The following LGALS14 variants were observed in gnomAD, a reference collection of about 807,000 sequenced individuals.
The protein encoded by LGALS14 is galectin 14.
In LGALS14, 14 loss-of-function variants were observed where a neutral mutation model predicts 14.6. That is an observed-to-expected ratio of 0.96 (90% CI 0.64 to 1.50). LGALS14 has a LOEUF of 1.50. Ranked by LOEUF, LGALS14 falls within the 40% of genes most tolerant of loss-of-function variation. The pLI is 0.00. For synonymous variants in LGALS14, 57 were observed against 63.9 expected (o/e 0.89, Z 0.51); for missense variants, 180 against 172.0 (o/e 1.05, Z -0.26).
intron 1 of LGALS14, chr19:39,705,837 C>G: frequency 1.3e-6 from 2 of 1,592,322 alleles, no homozygotes; most frequent in Non-Finnish European, 1.7e-6. Context: ...AGAGCAAGAC[C>G]CTATCTCAAA....
At chr19:39,706,063 CT>C in intron 1 of LGALS14, 1 of 1,605,452 alleles carries the variant, frequency 6.2e-7, no homozygotes, top group Non-Finnish European at 8.5e-7. Context: ...ATTTCCCTTT[CT>C]CTTTCAACAA....
intron 3 of LGALS14, among the ~76,000 whole-genome samples, chr19:39,708,798 G>A (rs1180574515): frequency 6.6e-6 from 1 of 152,192 alleles, no homozygotes. Context: ...GTGAAAGGCA[G>A]TCACAGTTCA....
At position 39,704,490 on chromosome 19, in the gene LGALS14, T is replaced by C. The variant is rs1438048790; in HGVS notation, c.-39T>C. ...CCACTCAGAGATTCACACAGAAGAC[T>C]GGACACAATTCCGAAGAGCTGCCCA... On this transcript the variant is annotated 5_prime_UTR_variant, in exon 1 of 4. Coordinates refer to ENST00000392052, the MANE Select transcript of LGALS14 (RefSeq NM_020129.3). The C allele has an allele frequency of 6.2e-7, 1 of 1,611,354 alleles. No homozygotes were observed. Among genetic ancestry groups the C allele is most frequent in the Non-Finnish European group, 8.5e-7 (1 of 1,177,742 alleles).
In LGALS14 at chr19:39,709,375, C is replaced by A; in HGVS notation, c.*62C>A. ...TCTTTCTACCTGACCATGGGATTCC[C>A]AGAGCCTACTAACAGAATAATCCCT... is the stretch of plus-strand genomic sequence containing the variant. On this transcript the variant is annotated 3_prime_UTR_variant, in exon 4 of 4. Transcript: ENST00000392052. 1 of 936,252 alleles carries A rather than the reference C, an allele frequency of 1.1e-6. No homozygotes were observed. Among genetic ancestry groups the A allele is most frequent in the Non-Finnish European group, 1.8e-6 (1 of 569,540 alleles). 58.0% of individuals were successfully genotyped at this position (936,252 alleles called of 1,614,324 possible). A position where few individuals can be genotyped will look rare whatever the true frequency, so the allele number is the denominator to read the frequency against.
intron 2 of LGALS14, among the ~76,000 whole-genome samples, 190 bp from the exon 3 acceptor site, chr19:39,706,988 G>A (rs1973723658): frequency 6.6e-6 from 1 of 152,224 alleles, no homozygotes; most frequent in South Asian, 2.1e-4. Flanking sequence ...TTTTGTCTGG[G>A]GATGAGGAAC....
At chr19:39,708,038 G>C (rs142699165) in intron 3 of LGALS14, among the ~76,000 whole-genome samples, 1 of 152,118 alleles carries the variant, frequency 6.6e-6, no homozygotes, top group African/African-American at 2.4e-5. Context: ...TTCAACTCCC[G>C]ACCTTGTGTG....
At chr19:39,704,728 A>G (rs899617708) in intron 1 of LGALS14, among the ~76,000 whole-genome samples, 185 bp downstream of exon 1, 3 of 151,922 alleles carry the variant, frequency 2.0e-5, no homozygotes, top group African/African-American at 7.3e-5. Context: ...TAGGCTGTGG[A>G]CCCTGGACCA....
chr19:39,707,650 A>G (rs1973735844), intron 3 of LGALS14, among the ~76,000 whole-genome samples: 1 of 152,108 alleles, frequency 6.6e-6, no homozygotes, highest in Non-Finnish European at 1.5e-5. Flanking sequence ...GCTCATTTCT[A>G]CTTATGCCAT....
intron 1 of LGALS14, chr19:39,705,942 A>G: frequency 1.2e-6 from 2 of 1,613,886 alleles, no homozygotes; most frequent in Non-Finnish European, 1.7e-6. Flanking sequence ...TTGTGCAAGT[A>G]CTGGGGCTGT....
Position 39,706,971 on chromosome 19 carries a change from G to A in LGALS14, c.93-207G>A, listed in dbSNP as rs898542906. Among the ~76,000 whole-genome samples, 23 of 152,302 alleles carry A rather than the reference G, an allele frequency of 1.5e-4. No homozygotes were observed. In the East Asian group the frequency reaches 1.7e-3, roughly 12 times the overall value. The stretch of plus-strand genomic sequence containing the variant: ...TCATAGGCCCATGTCACTGACTGGC[G>A]CTCAGTTTTTGTCTGGGGATGAGGA... On this transcript the variant is annotated intron_variant, in intron 2 of 3. Coordinates refer to ENST00000392052, the MANE Select transcript of LGALS14 (RefSeq NM_020129.3).
At position 39,709,336 on chromosome 19, in the gene LGALS14, T is replaced by C; in HGVS notation, c.*23T>C. 1 of 1,288,384 alleles carries C rather than the reference T, an allele frequency of 7.8e-7. No homozygotes were observed. The allele number at this position is 1,288,384 out of a possible 1,614,324, so 79.8% of individuals were successfully genotyped here. Reference sequence around the variant, plus strand: ...TGAGGGAGATGATCAGACTCCTCATTGTTGAGGAATCCCTCTTTCTACCTG... The same window carrying C: ...TGAGGGAGATGATCAGACTCCTCATCGTTGAGGAATCCCTCTTTCTACCTG... On this transcript the variant is annotated 3_prime_UTR_variant, in exon 4 of 4. Coordinates refer to ENST00000392052, the MANE Select transcript of LGALS14 (RefSeq NM_020129.3).
At position 39,707,180 on chromosome 19, in the gene LGALS14, A is replaced by G; in HGVS notation, c.95A>G (p.Lys32Arg). 1.2e-6 allele frequency: 2 copies of G among 1,613,306 alleles called. No individual in the cohort carries two copies. The highest frequency in any genetic ancestry group is 1.7e-6 in the Non-Finnish European group (2 of 1,179,326). ...ITGTPILTFV[K>R]DPQLEVNFYT... ...CATGCTGTGTGCTTTGACCTCAGCA[A>G]GGACCCACAGCTGGAGGTGAATTTC... is the stretch of plus-strand genomic sequence containing the variant. Residue 32 changes from lysine to arginine, a missense_variant and splice_region_variant, in exon 3 of 4, where the codon AAG becomes AGG. Transcript: ENST00000392052.
chr19:39,709,282 T>C lies in LGALS14; in HGVS notation c.389T>C (p.Ile130Thr). ...AAGATGCTGCAAGTCTTCAGAGATA[T>C]CTCCCTGACCAGAGTGCTTATCAGC... ...SVKMLQVFRDISLTRVLISD is the reference protein window; with the variant it reads ...SVKMLQVFRDTSLTRVLISD Residue 130 changes from isoleucine (I) to threonine (T), a missense_variant, in exon 4 of 4, where the codon ATC (isoleucine) becomes ACC (threonine). By Grantham distance (89) the Ile-to-Thr change is moderately conservative. Transcript: ENST00000392052. The C allele has an allele frequency of 2.5e-6, 4 of 1,608,392 alleles. No homozygotes were observed. The highest frequency in any genetic ancestry group is 3.4e-6 in the Non-Finnish European group (4 of 1,174,862).
chr19:39,709,058 C>T (rs2035855963), intron 3 of LGALS14, 139 bp from the exon 4 acceptor site: 2 of 686,760 alleles, frequency 2.9e-6, no homozygotes, highest in Non-Finnish European at 2.6e-6. Flanking sequence ...TGTAAAATCA[C>T]AGAAGTGTGT....
chr19:39,709,160 G>A lies in LGALS14; in HGVS notation c.304-37G>A, dbSNP rs1361335980. The A allele has an allele frequency of 3.1e-6, 4 of 1,283,618 alleles. No homozygotes were observed. In the South Asian group the frequency reaches 4.7e-5, roughly 15 times the overall value. The allele number at this position is 1,283,618 out of a possible 1,614,324, so 79.5% of individuals were successfully genotyped here. On this transcript the variant is annotated intron_variant, in intron 3 of 3. Transcript: ENST00000392052. ...AGAAAGGGCTGAAAACCTGTTTGGTGGCATGCTGTCTTTCTGATGCATTTT... is the reference window on the plus strand; with the variant it reads ...AGAAAGGGCTGAAAACCTGTTTGGTAGCATGCTGTCTTTCTGATGCATTTT...
chr19:39,708,174 C>A (rs1287227825), intron 3 of LGALS14, among the ~76,000 whole-genome samples: 1 of 151,952 alleles, frequency 6.6e-6, no homozygotes, highest in Non-Finnish European at 1.5e-5. Context: ...TGTTTTTAAG[C>A]AAATCCTGGT....
Position 39,707,295 on chromosome 19 carries a change from C to T in LGALS14, c.210C>T (p.Gly70=). Residue 70 remains glycine (G), a synonymous_variant, in exon 3 of 4, where the codon GGC becomes GGT. Transcript: ENST00000392052. ...HPAIMNSCVF[G]IWRYEEKCYY... ...CAATCATGAACAGTTGTGTGTTTGG[C>T]ATATGGAGATATGAGGAGAAATGCT... The T allele has an allele frequency of 9.3e-6, 15 of 1,614,054 alleles. No homozygotes were observed. Among genetic ancestry groups the T allele is most frequent in the South Asian group, 2.2e-5 (2 of 91,078 alleles).
intron 2 of LGALS14, 146 bp from the exon 3 acceptor site, chr19:39,707,032 A>C: frequency 1.5e-6 from 1 of 675,240 alleles, no homozygotes; most frequent in Non-Finnish European, 2.6e-6. Context: ...ATGAGGAGCT[A>C]AAGCGTCCCC....
At chr19:39,708,254 A>G (rs1283098196) in intron 3 of LGALS14, among the ~76,000 whole-genome samples, 2 of 152,224 alleles carry the variant, frequency 1.3e-5, no homozygotes, top group Non-Finnish European at 2.9e-5. Flanking sequence ...TCTTGAAGAC[A>G]TTATCAATCC....
Sources: gnomAD v4.1 joint callset for allele counts (sites outside exome capture counted in the v4.1 genomes callset) on GRCh38, gnomAD v4.1.1 for gene constraint, MANE v1.5 for transcripts, NCBI Gene and HGNC (gene_info 2026-07-23, HGNC 2026-07-21) for gene names.